The following FNDC3A variants were observed in gnomAD, a reference collection of about 807,000 sequenced individuals.
FNDC3A encodes fibronectin type III domain containing 3A.
In FNDC3A, 32 loss-of-function variants were observed where a neutral mutation model predicts 148.9. The ratio of observed to expected loss-of-function variants is 0.21; its 90% CI spans 0.16 to 0.29. The LOEUF (loss-of-function observed/expected upper bound fraction) is 0.29, where lower values mean the gene tolerates loss of function less well. Ranked by LOEUF, FNDC3A falls within the 10% of genes least tolerant of loss-of-function variation. FNDC3A has a pLI of 1.00. For missense variants in FNDC3A, 1,191 were observed against 1,452.8 expected (o/e 0.82, Z 2.93); for synonymous variants, 472 against 473.6 (o/e 1.00, Z 0.04).
chr13:49,150,837 C>T (rs1486440994), intron 8 of FNDC3A, among the ~76,000 whole-genome samples: 1 of 149,438 alleles, frequency 6.7e-6, no homozygotes, highest in African/African-American at 2.5e-5. Flanking sequence ...CCCAGCTACT[C>T]GGGAGGCTGA....
chr13:49,171,592 G>A (rs1884758186), intron 10 of FNDC3A, among the ~76,000 whole-genome samples: 1 of 152,162 alleles, frequency 6.6e-6, no homozygotes, highest in Non-Finnish European at 1.5e-5. Context: ...AGTGAGTATA[G>A]AAACAAGGAC....
chr13:49,045,532 T>C (rs1164592500), intron 2 of FNDC3A: 11 of 299,978 alleles, frequency 3.7e-5, no homozygotes, highest in Non-Finnish European at 5.3e-5. Flanking sequence ...TCCTGGCATG[T>C]GTGACATTTC....
chr13:49,197,792 TGCAGATATGTTACTGTGG>T lies in FNDC3A; in HGVS notation c.2411_2428del (p.Gln804_Gly809del). On this transcript the variant is annotated inframe_deletion, in exon 21 of 26. Coordinates refer to ENST00000492622, the MANE Select transcript of FNDC3A (RefSeq NM_001079673.2). ...GAGTGGGGAGGAGTTGAAGGAAGTA[TGCAGATATGTTACTGTGG>T]GCCTGGTCTCAGTTATGAAATAAAA... The T allele has an allele frequency of 6.2e-7, 1 of 1,611,444 alleles. No individual in the cohort carries two copies. The highest frequency in any genetic ancestry group is 8.5e-7 in the Non-Finnish European group (1 of 1,179,356).
At chr13:49,055,431 G>C (rs962695449) in intron 2 of FNDC3A, among the ~76,000 whole-genome samples, 13 of 152,022 alleles carry the variant, frequency 8.6e-5, no homozygotes, top group African/African-American at 3.1e-4. Context: ...AGAAGGGAGG[G>C]TAATACATGC....
chr13:49,116,337 T>TA (rs1880955357), intron 4 of FNDC3A, among the ~76,000 whole-genome samples: 1 of 152,220 alleles, frequency 6.6e-6, no homozygotes. Flanking sequence ...TATGAATTCT[T>TA]ACAGTTCCTA....
chr13:49,159,085 A>T (rs1883916946), intron 8 of FNDC3A, among the ~76,000 whole-genome samples: 1 of 152,150 alleles, frequency 6.6e-6, no homozygotes, highest in African/African-American at 2.4e-5. Context: ...TTGGCTTAGG[A>T]TTGTCTTGAC....
At chr13:49,029,934 G>A (rs902719138) in intron 2 of FNDC3A, among the ~76,000 whole-genome samples, 5 of 152,024 alleles carry the variant, frequency 3.3e-5, no homozygotes, top group Non-Finnish European at 5.9e-5. Context: ...CTGAATACAC[G>A]TATAACAAGT....
At position 49,096,116 on chromosome 13, in the gene FNDC3A, A is replaced by G. The variant is rs111584548; in HGVS notation, c.176-18539A>G. Among the ~76,000 whole-genome samples, 765 of 152,238 alleles carry G rather than the reference A, an allele frequency of 5.0e-3. 10 individuals carry two copies. Among genetic ancestry groups the G allele is most frequent in the African/African-American group, 0.017 (690 of 41,550 alleles). On this transcript the variant is annotated intron_variant, in intron 3 of 25. Transcript: ENST00000492622. The stretch of plus-strand genomic sequence containing the variant: ...TCAGAAAGTTTCTTCCTGTATCTAG[A>G]GAAGTGTGACTTGTGCTCCTGACTG...
At chr13:49,075,398 C>G (rs779240385) in intron 3 of FNDC3A, 34 bp downstream of exon 3, 8 of 1,263,624 alleles carry the variant, frequency 6.3e-6, no homozygotes, top group South Asian at 6.2e-5. Context: ...TCATTTGAGA[C>G]CAAATAAACC....
chr13:49,061,906 G>A (rs1876923543), intron 2 of FNDC3A, among the ~76,000 whole-genome samples: 1 of 144,916 alleles, frequency 6.9e-6, no homozygotes, highest in African/African-American at 2.6e-5. Context: ...CAGGCATGAG[G>A]TACCACATCC....
At chr13:49,017,716 G>A (rs1872918883) in intron 2 of FNDC3A, among the ~76,000 whole-genome samples, 1 of 151,764 alleles carries the variant, frequency 6.6e-6, no homozygotes, top group Non-Finnish European at 1.5e-5. Flanking sequence ...TTACATTTTG[G>A]CATGATTTTG....
rs138300686 is a variant in FNDC3A at position 49,141,710 on chromosome 13, T to C, written c.819+2905T>C. Among the ~76,000 whole-genome samples, 19 of 152,348 alleles carry C rather than the reference T, an allele frequency of 1.2e-4. No individual in the cohort carries two copies. In the East Asian group the frequency reaches 3.7e-3, roughly 29 times the overall value. Reference sequence around the variant, plus strand: ...AATTTAACCCAATGGACAGTTTTTCTCAAGGGTAGTTTTGATGACTACCTT... The same window carrying C: ...AATTTAACCCAATGGACAGTTTTTCCCAAGGGTAGTTTTGATGACTACCTT... On this transcript the variant is annotated intron_variant, in intron 7 of 25. Coordinates refer to ENST00000492622, the MANE Select transcript of FNDC3A (RefSeq NM_001079673.2).
At chr13:49,129,152 G>A (rs1200080564) in intron 4 of FNDC3A, among the ~76,000 whole-genome samples, 1 of 152,186 alleles carries the variant, frequency 6.6e-6, no homozygotes, top group African/African-American at 2.4e-5. Context: ...GAAAAATAGT[G>A]TTTTAAATGA....
intron 2 of FNDC3A, among the ~76,000 whole-genome samples, chr13:49,070,356 A>G (rs1273197747): frequency 4.6e-5 from 7 of 152,172 alleles, no homozygotes; most frequent in African/African-American, 1.7e-4. Context: ...AGGAAAAATT[A>G]ATTATAACAT....
intron 2 of FNDC3A, among the ~76,000 whole-genome samples, chr13:49,057,660 G>C (rs1593527762): frequency 6.6e-6 from 1 of 152,122 alleles, no homozygotes; most frequent in South Asian, 2.1e-4. Flanking sequence ...TAATGCATTA[G>C]TTTTCTACCT....
chr13:49,203,887 A>C (rs141688680), intron 25 of FNDC3A, among the ~76,000 whole-genome samples: 1 of 152,196 alleles, frequency 6.6e-6, no homozygotes, highest in African/African-American at 2.4e-5. Context: ...TAAGGGGCCT[A>C]TAGGTGGTAT....
chr13:49,161,101 T>C (rs1361307703), intron 8 of FNDC3A, among the ~76,000 whole-genome samples: 1 of 152,180 alleles, frequency 6.6e-6, no homozygotes, highest in African/African-American at 2.4e-5. Flanking sequence ...ATTCTATTGA[T>C]TTGGGGTGGA....
chr13:49,152,184 C>T (rs1029062724), intron 8 of FNDC3A, among the ~76,000 whole-genome samples: 4 of 152,178 alleles, frequency 2.6e-5, no homozygotes, highest in African/African-American at 4.8e-5. Context: ...CTAGTTTACA[C>T]TACCACCAAC....
At chr13:49,073,170 C>A (rs779723026) in intron 2 of FNDC3A, among the ~76,000 whole-genome samples, 8 of 151,726 alleles carry the variant, frequency 5.3e-5, no homozygotes, top group Non-Finnish European at 1.0e-4. Context: ...ATAACATTGG[C>A]TACAGGAAAA....
Sources: allele counts gnomAD v4.1 joint callset (sites outside exome capture counted in the v4.1 genomes callset), GRCh38; gene constraint gnomAD v4.1.1; transcripts MANE v1.5; gene names NCBI Gene and HGNC (gene_info 2026-07-23, HGNC 2026-07-21).